OVCH1: variants seen among roughly 807,000 people sequenced by gnomAD.
The protein encoded by OVCH1 is ovochymase-1.
In OVCH1, 139 loss-of-function variants were observed where a neutral mutation model predicts 138.4. The observed-to-expected ratio is 1.00, with a 90% confidence interval of 0.87 to 1.16. The LOEUF (loss-of-function observed/expected upper bound fraction) is 1.16, where lower values mean the gene tolerates loss of function less well. OVCH1 is among the 50% of genes most tolerant of loss of function. The pLI is 0.00. For missense variants in OVCH1, 1,367 were observed against 1,357.9 expected, an observed-to-expected ratio of 1.01 and a Z score of -0.11; for synonymous variants, 453 against 467.8, an observed-to-expected ratio of 0.97 and a Z score of 0.41.
chr12:29,416,689 C>T (rs1317442179), intron 3 of OVCH1, among the ~76,000 whole-genome samples: 1 of 152,138 alleles, frequency 6.6e-6, no homozygotes, highest in Non-Finnish European at 1.5e-5. Flanking sequence ...AACTAGGTCA[C>T]TCACACATTG....
At chr12:29,451,196 G>T in intron 22 of OVCH1, 149 bp downstream of exon 22, 1 of 425,096 alleles carries the variant, frequency 2.4e-6, no homozygotes, top group Non-Finnish European at 4.0e-6. Flanking sequence ...TAAAGAAAAT[G>T]TTAAGTGTGT....
At chr12:29,454,516 C>A (rs1475493651) in intron 21 of OVCH1, among the ~76,000 whole-genome samples, 1 of 152,146 alleles carries the variant, frequency 6.6e-6, no homozygotes, top group Non-Finnish European at 1.5e-5. Flanking sequence ...TACCCAGGGT[C>A]TTTACCTAGG....
intron 3 of OVCH1, among the ~76,000 whole-genome samples, chr12:29,419,279 C>T (rs931705323): frequency 6.6e-6 from 1 of 150,620 alleles, no homozygotes; most frequent in Non-Finnish European, 1.5e-5. Context: ...CTCCATAATA[C>T]TAAACAAAGT....
intron 8 of OVCH1, among the ~76,000 whole-genome samples, chr12:29,482,536 T>TTG (rs1555153759): frequency 2.0e-5 from 3 of 152,204 alleles, no homozygotes; most frequent in Non-Finnish European, 4.4e-5. Context: ...GCAAACATTT[T>TTG]TGTGTGTTTC....
intron 16 of OVCH1, 114 bp downstream of exon 16, chr12:29,471,683 TAAAAG>T: frequency 8.4e-7 from 1 of 1,194,422 alleles, no homozygotes; most frequent in Non-Finnish European, 1.1e-6. Context: ...GAAGAAACAC[TAAAAG>T]AAGATTCTTG....
chr12:29,435,228 A>G lies in OVCH1; in HGVS notation c.3265-1415T>C, dbSNP rs571205643. ...TTAGAACAGCCAGACCCGTGGCGTGAGCCTGTAGTCCCAGCTACTGGGGAG... is the reference window on the plus strand; with the variant it reads ...TTAGAACAGCCAGACCCGTGGCGTGGGCCTGTAGTCCCAGCTACTGGGGAG... On this transcript the variant is annotated intron_variant, in intron 26 of 27. Coordinates refer to ENST00000318184, the Ensembl canonical transcript of OVCH1. Among the ~76,000 whole-genome samples the G allele has an allele frequency of 3.3e-5, 5 of 152,192 alleles. No individual in the cohort carries two copies. In the East Asian group the frequency reaches 9.8e-4, roughly 30 times the overall value.
At position 29,464,496 on chromosome 12, in the gene OVCH1, A is replaced by G. The variant is rs1942247122; in HGVS notation, c.2125+11T>C. The G allele has an allele frequency of 1.9e-6, 3 of 1,612,222 alleles. No individual in the cohort carries two copies. The highest frequency in any genetic ancestry group is 2.7e-5 in the African/African-American group (2 of 74,876). On this transcript the variant is annotated intron_variant, in intron 18 of 27. Coordinates refer to ENST00000318184, the Ensembl canonical transcript of OVCH1. ...CTGGCATTAATGTTTATGCAACAAA[A>G]ATATGCTTACCTGCACTGATGCTTC... is the stretch of plus-strand genomic sequence containing the variant.
At chr12:29,492,045 G>T (rs1220464893) in intron 4 of OVCH1, among the ~76,000 whole-genome samples, 2 of 152,138 alleles carry the variant, frequency 1.3e-5, no homozygotes, top group Admixed American at 1.3e-4. Context: ...ATAATACATT[G>T]TTCAGTGGTA....
chr12:29,486,837 C>G (rs932609194), intron 7 of OVCH1: 1 of 438,542 alleles, frequency 2.3e-6, no homozygotes, highest in Non-Finnish European at 4.6e-6. Context: ...TCATTGTTAC[C>G]ATTTACATTT....
At position 29,495,612 on chromosome 12, in the gene OVCH1, T is replaced by C. The variant is rs549256017; in HGVS notation, c.282-155A>G. Among the ~76,000 whole-genome samples the C allele has an allele frequency of 5.3e-5, 8 of 151,504 alleles. No homozygotes were observed. In the South Asian group the frequency reaches 1.7e-3, roughly 31 times the overall value. On this transcript the variant is annotated intron_variant, in intron 3 of 27. Transcript: ENST00000318184. ...TATTATTGAGTATTACCAATGGTCA[T>C]ATTTTTTTTAATCTAGAAAAAATCG...
At chr12:29,468,084 G>C (rs1942379355) in intron 16 of OVCH1, among the ~76,000 whole-genome samples, 1 of 152,104 alleles carries the variant, frequency 6.6e-6, no homozygotes. Context: ...ATAATTATAA[G>C]ATATAATGTT....
At chr12:29,466,841 A>C (rs1182969441) in intron 16 of OVCH1, among the ~76,000 whole-genome samples, 1 of 152,156 alleles carries the variant, frequency 6.6e-6, no homozygotes, top group Non-Finnish European at 1.5e-5. Context: ...TGTCACTTCT[A>C]CTTGGAGACT....
intron 22 of OVCH1, among the ~76,000 whole-genome samples, chr12:29,449,240 A>T: frequency 7.5e-6 from 1 of 134,052 alleles, no homozygotes; most frequent in African/African-American, 2.9e-5. Context: ...ACTATGTTTG[A>T]AGAAGTTGAG....
chr12:29,438,115 T>C (rs540480753), intron 26 of OVCH1, among the ~76,000 whole-genome samples: 1 of 152,164 alleles, frequency 6.6e-6, no homozygotes, highest in South Asian at 2.1e-4. Flanking sequence ...TATGAGAAAG[T>C]CCTTCTCCAT....
chr12:29,420,966 G>T (rs958558363), intron 3 of OVCH1, among the ~76,000 whole-genome samples: 3 of 152,232 alleles, frequency 2.0e-5, no homozygotes, highest in African/African-American at 7.2e-5. Flanking sequence ...CATAGGGAGA[G>T]CAGATGGGTA....
chr12:29,477,602 G>T (rs1473913949), intron 9 of OVCH1, 124 bp from the exon 11 acceptor site: 1 of 1,611,400 alleles, frequency 6.2e-7, no homozygotes, highest in East Asian at 2.2e-5. Context: ...ACTATTTAAT[G>T]GTCCTTTGAT....
At chr12:29,486,763 T>C (rs1219775973) in intron 7 of OVCH1, 2 of 335,502 alleles carry the variant, frequency 6.0e-6, no homozygotes, top group Non-Finnish European at 1.2e-5. Context: ...TCACTTATCA[T>C]GTTCTGGTGT....
chr12:29,444,059 T>C, intron 24 of OVCH1, 86 bp downstream of exon 24: 1 of 1,397,738 alleles, frequency 7.2e-7, no homozygotes. Context: ...TGAAGAATAA[T>C]GTTTTAAGCA....
chr12:29,487,372 A>G (rs1943140368), intron 7 of OVCH1: 1 of 210,590 alleles, frequency 4.7e-6, no homozygotes, highest in Non-Finnish European at 9.4e-6. Flanking sequence ...TGGTATTCTT[A>G]AGTAGTACAG....
Sources: gnomAD v4.1 joint callset for allele counts (sites outside exome capture counted in the v4.1 genomes callset) on GRCh38, gnomAD v4.1.1 for gene constraint, MANE v1.5 for transcripts, NCBI Gene and HGNC (gene_info 2026-07-23, HGNC 2026-07-21) for gene names.